CDH12: variants seen among roughly 807,000 people sequenced by gnomAD.
CDH12 encodes the protein cadherin-12.
CDH12 carries 41 observed loss-of-function variants against 74.1 expected under a neutral mutation model. That is an observed-to-expected ratio of 0.55 (90% CI 0.43 to 0.72). CDH12 has a LOEUF of 0.72. Ranked by LOEUF, CDH12 falls within the 30% of genes least tolerant of loss-of-function variation. The probability of loss-of-function intolerance (pLI) is 0.00; values close to 1 mark genes in which losing one functional copy is unlikely to be tolerated. For missense variants in CDH12, 945 were observed against 977.2 expected, an observed-to-expected ratio of 0.97 and a Z score of 0.44; for synonymous variants, 399 against 355.0, an observed-to-expected ratio of 1.12 and a Z score of -1.39.
At chr5:22,381,055 G>T (rs993122180) in intron 3 of CDH12, among the ~76,000 whole-genome samples, 2 of 151,910 alleles carry the variant, frequency 1.3e-5, no homozygotes, top group East Asian at 1.9e-4. Flanking sequence ...AACAAATTAC[G>T]ACAATGTTTG....
At chr5:22,617,530 AG>A (rs1259413086) in intron 1 of CDH12, among the ~76,000 whole-genome samples, 1 of 152,100 alleles carries the variant, frequency 6.6e-6, no homozygotes, top group East Asian at 1.9e-4. Context: ...TTGGATTCAA[AG>A]TCTGTCCATT....
At chr5:22,035,354 C>T (rs2150177514) in intron 5 of CDH12, among the ~76,000 whole-genome samples, 1 of 151,468 alleles carries the variant, frequency 6.6e-6, no homozygotes, top group African/African-American at 2.4e-5. Flanking sequence ...GTGCAGTGGC[C>T]TTGGGTAGTT....
At chr5:21,872,894 C>CATCCATCTATCT (rs142549636) in intron 6 of CDH12, among the ~76,000 whole-genome samples, 1 of 146,750 alleles carries the variant, frequency 6.8e-6, no homozygotes, top group Non-Finnish European at 1.5e-5. Flanking sequence ...ACCTATCATC[C>CATCCATCTATCT]ATCTATCTAT....
chr5:22,730,022 T>G (rs191620230), intron 1 of CDH12, among the ~76,000 whole-genome samples: 1 of 152,044 alleles, frequency 6.6e-6, no homozygotes, highest in Non-Finnish European at 1.5e-5. Flanking sequence ...TAGTATAATG[T>G]GTTTATATTA....
intron 4 of CDH12, among the ~76,000 whole-genome samples, chr5:22,150,877 G>C (rs1432202797): frequency 6.6e-6 from 1 of 152,156 alleles, no homozygotes; most frequent in Non-Finnish European, 1.5e-5. Context: ...CACATAGCTT[G>C]GTGATGGTGG....
Position 22,716,629 on chromosome 5 carries a change from A to C in CDH12, c.-523+136429T>G, listed in dbSNP as rs533840438. 7.2e-5 allele frequency among the ~76,000 whole-genome samples: 11 copies of C among 152,000 alleles called. No homozygotes were observed. The East Asian group carries it at 1.6e-3, about 21-fold the overall frequency. On this transcript the variant is annotated intron_variant, in intron 1 of 14. Transcript: ENST00000382254. ...GAAAACTTAAAAAAAAAAAAACAAA[A>C]AATAAATGAACAGTCTCAGGTCCTT... is the stretch of plus-strand genomic sequence containing the variant.
chr5:21,858,958 C>T (rs546654616), intron 6 of CDH12, among the ~76,000 whole-genome samples: 1 of 152,016 alleles, frequency 6.6e-6, no homozygotes, highest in East Asian at 1.9e-4. Context: ...GATTCCCTTA[C>T]ATATGTATCC....
intron 5 of CDH12, among the ~76,000 whole-genome samples, chr5:21,994,238 C>T (rs2547659): frequency 1.5e-4 from 23 of 152,096 alleles, no homozygotes; most frequent in African/African-American, 3.9e-4. Flanking sequence ...CACTGGACAA[C>T]GTAATAGAGT....
At chr5:22,131,546 G>T (rs1364784607) in intron 4 of CDH12, among the ~76,000 whole-genome samples, 3 of 152,048 alleles carry the variant, frequency 2.0e-5, no homozygotes, top group Non-Finnish European at 2.9e-5. Context: ...TGATTAAATG[G>T]CTCCACTCCT....
chr5:22,097,088 C>T lies in CDH12; in HGVS notation c.-186-18226G>A, dbSNP rs558416446. Among the ~76,000 whole-genome samples, 33 of 152,324 alleles carry T rather than the reference C, an allele frequency of 2.2e-4. No homozygotes were observed. The South Asian group carries it at 6.0e-3, about 28-fold the overall frequency. Reference sequence around the variant, plus strand: ...GAACCGCAGCTGCCAGAGTTTCCTCCAGAACCTCCTCCCTCAGGAGCTTGC... The same window carrying T: ...GAACCGCAGCTGCCAGAGTTTCCTCTAGAACCTCCTCCCTCAGGAGCTTGC... On this transcript the variant is annotated intron_variant, in intron 4 of 14. Coordinates refer to ENST00000382254, the MANE Select transcript of CDH12 (RefSeq NM_004061.5).
At chr5:22,624,028 G>C (rs1738132702) in intron 1 of CDH12, among the ~76,000 whole-genome samples, 3 of 152,116 alleles carry the variant, frequency 2.0e-5, no homozygotes. Flanking sequence ...ACAACCATCT[G>C]ATCTTTGACA....
chr5:21,871,868 C>T (rs1751642234), intron 6 of CDH12, among the ~76,000 whole-genome samples: 1 of 152,108 alleles, frequency 6.6e-6, no homozygotes, highest in South Asian at 2.1e-4. Flanking sequence ...TATTCAAATA[C>T]TGATCTGGAA....
chr5:22,719,051 C>T (rs1561600509), intron 1 of CDH12, among the ~76,000 whole-genome samples: 1 of 152,032 alleles, frequency 6.6e-6, no homozygotes, highest in Non-Finnish European at 1.5e-5. Context: ...GTGAGGAGCC[C>T]CAAATTGATA....
chr5:21,881,313 A>G (rs2078140185), intron 6 of CDH12, among the ~76,000 whole-genome samples: 1 of 152,198 alleles, frequency 6.6e-6, no homozygotes, highest in East Asian at 1.9e-4. Flanking sequence ...AAAACATTTT[A>G]TATGCATTCT....
At chr5:22,416,711 A>G (rs1005346898) in intron 2 of CDH12, among the ~76,000 whole-genome samples, 1 of 152,214 alleles carries the variant, frequency 6.6e-6, no homozygotes, top group Non-Finnish European at 1.5e-5. Context: ...AGTAGAAAGA[A>G]GCTTACCTTA....
intron 4 of CDH12, among the ~76,000 whole-genome samples, chr5:22,176,097 T>A (rs1465738167): frequency 6.6e-6 from 1 of 152,148 alleles, no homozygotes; most frequent in African/African-American, 2.4e-5. Flanking sequence ...TCGTCCTAGT[T>A]CTCAGTGTAT....
At chr5:21,838,598 C>A (rs1749670463) in intron 8 of CDH12, among the ~76,000 whole-genome samples, 1 of 151,986 alleles carries the variant, frequency 6.6e-6, no homozygotes, top group South Asian at 2.1e-4. Context: ...TTCCAATGCC[C>A]TTATCCTCTA....
chr5:22,224,045 T>C lies in CDH12; in HGVS notation c.-332-11402A>G, dbSNP rs567975483. ...AGCTACTCAGCAGAGCCTCAATTCT[T>C]GCACACAAGTGAGTAATTGAAAGTT... On this transcript the variant is annotated intron_variant, in intron 3 of 14. Transcript: ENST00000382254. 5.3e-5 allele frequency among the ~76,000 whole-genome samples: 8 copies of C among 152,102 alleles called. 1 individual carries two copies. The South Asian group carries it at 1.4e-3, about 28-fold the overall frequency.
chr5:22,852,195 G>C (rs182449592), intron 1 of CDH12, among the ~76,000 whole-genome samples: 1 of 152,276 alleles, frequency 6.6e-6, no homozygotes, highest in Admixed American at 6.5e-5. Flanking sequence ...AAGTATGTCA[G>C]TTCCCTCTCC....
Sources: allele counts gnomAD v4.1 joint callset (sites outside exome capture counted in the v4.1 genomes callset), GRCh38; gene constraint gnomAD v4.1.1; transcripts MANE v1.5; gene names NCBI Gene and HGNC (gene_info 2026-07-23, HGNC 2026-07-21).